Variants in GPC4 observed in about 807,000 individuals in gnomAD.
GPC4 encodes the protein glypican 4, also known as glypican-4.
Under a neutral mutation model 35.0 loss-of-function variants are expected in GPC4, and 10 were observed. The ratio of observed to expected loss-of-function variants is 0.29; its 90% confidence interval spans 0.18 to 0.48. The LOEUF is 0.48. GPC4 is among the 20% of genes least tolerant of loss of function. The pLI, the probability that GPC4 is intolerant of heterozygous loss-of-function variation, is 0.99. For synonymous variants in GPC4, 167 were observed against 170.2 expected (o/e 0.98, Z 0.15); for missense variants, 322 against 451.3 (o/e 0.71, Z 2.60).
intron 4 of GPC4, among the ~76,000 whole-genome samples, chrX:133,306,406 C>A (rs2124105044): frequency 9.0e-6 from 1 of 111,233 alleles, no homozygotes; most frequent in Non-Finnish European, 1.9e-5. Flanking sequence ...GCAAGGAAAC[C>A]CAATCAGGAA....
chrX:133,340,436 G>A (rs1320004776), intron 1 of GPC4, among the ~76,000 whole-genome samples: 1 of 111,857 alleles, frequency 8.9e-6, no homozygotes, highest in East Asian at 2.8e-4. Flanking sequence ...TGCTGTCCAT[G>A]TTCTATGCAA....
intron 2 of GPC4, among the ~76,000 whole-genome samples, chrX:133,336,311 GA>G (rs2068443276): frequency 9.0e-6 from 1 of 111,482 alleles, no homozygotes; most frequent in South Asian, 3.8e-4. Context: ...GAGGTGGGCG[GA>G]TCACCTGAGG....
At chrX:133,345,205 A>G (rs1766781478) in intron 1 of GPC4, among the ~76,000 whole-genome samples, 2 of 112,185 alleles carry the variant, frequency 1.8e-5, no homozygotes, top group Admixed American at 9.4e-5. Context: ...CCAGCTCTAC[A>G]TGATTGGGAA....
chrX:133,350,487 G>A lies in GPC4; in HGVS notation c.161-11146C>T, dbSNP rs753346327. On this transcript the variant is annotated intron_variant, in intron 1 of 8. Transcript: ENST00000370828. Reference sequence around the variant, plus strand: ...TGTAGTGAGCCATGATCATGCCACTGCACTCAAGCCTTGGAGTGGGGTGGG... The same window carrying A: ...TGTAGTGAGCCATGATCATGCCACTACACTCAAGCCTTGGAGTGGGGTGGG... 1.4e-4 allele frequency among the ~76,000 whole-genome samples: 15 copies of A among 110,872 alleles called. No homozygotes were observed. In the South Asian group the frequency reaches 5.1e-3, roughly 37 times the overall value.
At chrX:133,414,526 G>A (rs2068829182) in intron 1 of GPC4, 1 of 752,386 alleles carries the variant, frequency 1.3e-6, no homozygotes, top group Admixed American at 8.7e-5. Context: ...GAGAGGAGGA[G>A]CGGAGGCGGG....
At chrX:133,409,485 C>T (rs1164835871) in intron 1 of GPC4, among the ~76,000 whole-genome samples, 1 of 110,974 alleles carries the variant, frequency 9.0e-6, no homozygotes, top group East Asian at 2.8e-4. Context: ...ATGTTATTCT[C>T]CCACTTGTTT....
intron 1 of GPC4, among the ~76,000 whole-genome samples, chrX:133,396,281 A>G (rs927258871): frequency 8.9e-6 from 1 of 111,788 alleles, no homozygotes; most frequent in African/African-American, 3.2e-5. Context: ...ACATCTAGTA[A>G]CTGTTGAAAA....
intron 1 of GPC4, among the ~76,000 whole-genome samples, chrX:133,339,912 A>T (rs1413636580): frequency 8.9e-6 from 1 of 112,298 alleles, no homozygotes; most frequent in Non-Finnish European, 1.9e-5. Flanking sequence ...ATGATAAATC[A>T]CAAAGGGGTG....
At chrX:133,328,123 T>C (rs1228346505) in intron 2 of GPC4, among the ~76,000 whole-genome samples, 6 of 111,458 alleles carry the variant, frequency 5.4e-5, no homozygotes, top group Non-Finnish European at 1.9e-5. Context: ...ATACCAGAGA[T>C]TTTTTTAAAC....
At chrX:133,400,499 A>G (rs1160702524) in intron 1 of GPC4, among the ~76,000 whole-genome samples, 2 of 112,450 alleles carry the variant, frequency 1.8e-5, no homozygotes, top group Non-Finnish European at 3.8e-5. Context: ...TTAGACTGTG[A>G]GCTCCATAAG....
chrX:133,340,224 C>T (rs1437444734), intron 1 of GPC4, among the ~76,000 whole-genome samples: 1 of 109,852 alleles, frequency 9.1e-6, no homozygotes, highest in Admixed American at 9.7e-5. Flanking sequence ...CCCCAGAGTT[C>T]CCCCCCTTGT....
At chrX:133,308,089 G>A (rs2068298714) in intron 4 of GPC4, among the ~76,000 whole-genome samples, 1 of 112,210 alleles carries the variant, frequency 8.9e-6, no homozygotes, top group African/African-American at 3.2e-5. Flanking sequence ...GGGAGCCAAA[G>A]CTGCCTCTAA....
rs1252088085 is a variant in GPC4, at chrX:133,415,069, C to G, written c.-104G>C. ...CGGAGTCGGGGACTAGCGAGTGGAG[C>G]TGGAGGGAGAAGGAGTTGGAGTTGG... is the stretch of plus-strand genomic sequence containing the variant. On this transcript the variant is annotated 5_prime_UTR_variant, in exon 1 of 9. Coordinates refer to ENST00000370828, the MANE Select transcript of GPC4 (RefSeq NM_001448.3). 1.2e-6 allele frequency: 1 copy of G among 835,576 alleles called. No individual in the cohort carries two copies. The highest frequency in any genetic ancestry group is 1.7e-6 in the Non-Finnish European group (1 of 598,219). The allele number at this position is 835,576 out of a possible 1,213,427, so 68.9% of individuals were successfully genotyped here. A position where few individuals can be genotyped will look rare whatever the true frequency, so the allele number is the denominator to read the frequency against.
At chrX:133,308,516 T>C (rs147352524) in intron 4 of GPC4, among the ~76,000 whole-genome samples, 53 of 112,057 alleles carry the variant, frequency 4.7e-4, no homozygotes, top group Non-Finnish European at 7.7e-4. Context: ...ACCAGCGTCT[T>C]ATAAAACCAA....
intron 1 of GPC4, among the ~76,000 whole-genome samples, chrX:133,368,429 G>A (rs2068599170): frequency 9.0e-6 from 1 of 111,290 alleles, no homozygotes; most frequent in Admixed American, 9.6e-5. Context: ...ATTCATTCTA[G>A]CCTCCGTATC....
rs756672821 is a variant in GPC4, at chrX:133,303,331, C to G, written c.1303G>C (p.Ala435Pro). ...NGKGKSRYLF[A>P]VTGNGLANQG... ...TTGGCTAATCCATTTCCTGTCACTG[C>G]AAACAGGTACCTGGAATGTAAAATG... Residue 435 changes from alanine (A) to proline (P), a missense_variant, in exon 8 of 9, where the codon GCA becomes CCA. Physicochemically the swap from Ala to Pro is conservative, Grantham distance 27. Around this residue, in one of 3 missense-constraint regions of GPC4, gnomAD observed 99 missense variants for 110.0 expected, o/e 0.90. Coordinates refer to ENST00000370828, the MANE Select transcript of GPC4 (RefSeq NM_001448.3). 8.3e-7 allele frequency: 1 copy of G among 1,206,224 alleles called. No homozygotes were observed. Among genetic ancestry groups the G allele is most frequent in the Admixed American group, 2.2e-5 (1 of 45,446 alleles).
rs760049226 is a variant in GPC4 at position 133,395,883 on chromosome X, A to T, written c.160+18923T>A. On this transcript the variant is annotated intron_variant, in intron 1 of 8. Coordinates refer to ENST00000370828, the MANE Select transcript of GPC4 (RefSeq NM_001448.3). ...AAAATCAATATTGACTGATTAAAAG[A>T]AAACAAATATTAGGAAAAGAAGAGA... 1.7e-4 allele frequency among the ~76,000 whole-genome samples: 19 copies of T among 111,555 alleles called. No individual in the cohort carries two copies. The South Asian group carries it at 7.2e-3, about 42-fold the overall frequency.
At chrX:133,410,860 C>T (rs1358363487) in intron 1 of GPC4, among the ~76,000 whole-genome samples, 1 of 112,393 alleles carries the variant, frequency 8.9e-6, no homozygotes, top group Non-Finnish European at 1.9e-5. Context: ...CTGTAAACTA[C>T]TTGGGACAAT....
At chrX:133,353,707 GA>G (rs1210483935) in intron 1 of GPC4, among the ~76,000 whole-genome samples, 2 of 111,065 alleles carry the variant, frequency 1.8e-5, no homozygotes, top group Admixed American at 1.9e-4. Flanking sequence ...TTAGAGGCCT[GA>G]AGGAGTGAGA....
Sources: allele counts gnomAD v4.1 joint callset (sites outside exome capture counted in the v4.1 genomes callset), GRCh38; gene constraint gnomAD v4.1.1; regional missense constraint gnomAD v4.1.1; transcripts MANE v1.5; gene names NCBI Gene and HGNC (gene_info 2026-07-23, HGNC 2026-07-21).